The following LARP1B variants were observed in gnomAD, a reference collection of about 807,000 sequenced individuals.
LARP1B encodes the protein La ribonucleoprotein 1B, also known as la-related protein 1B.
A neutral mutation model predicts 114.2 loss-of-function variants in LARP1B; 76 were observed. The observed-to-expected ratio is 0.67, with a 90% CI of 0.55 to 0.81. The LOEUF is 0.81. Ranked by LOEUF, LARP1B falls within the 30% of genes least tolerant of loss-of-function variation. The pLI, the probability that LARP1B is intolerant of heterozygous loss-of-function variation, is 0.00. For synonymous variants in LARP1B, 345 were observed against 348.0 expected, an observed-to-expected ratio of 0.99 and a Z score of 0.10; for missense variants, 1,014 against 1,075.8, an observed-to-expected ratio of 0.94 and a Z score of 0.80.
intron 1 of LARP1B, among the ~76,000 whole-genome samples, chr4:128,073,945 T>A (rs1259894818): frequency 1.3e-5 from 2 of 151,376 alleles, no homozygotes; most frequent in Admixed American, 6.6e-5. Flanking sequence ...CGCTGTGTTT[T>A]TTTTTGTTTT....
intron 1 of LARP1B, among the ~76,000 whole-genome samples, chr4:128,063,427 CAAAAAA>C (rs763868048): frequency 3.8e-4 from 5 of 13,216 alleles, no homozygotes; most frequent in South Asian, 5.3e-3. Flanking sequence ...GACCCACTCT[CAAAAAA>C]AAAAAAAAAA....
chr4:128,171,614 G>A (rs1743782902), intron 12 of LARP1B, among the ~76,000 whole-genome samples: 1 of 152,072 alleles, frequency 6.6e-6, no homozygotes, highest in Non-Finnish European at 1.5e-5. Flanking sequence ...CTCTATTTGT[G>A]ATGTTTCAGG....
At chr4:128,156,134 A>T (rs1735517860) in intron 11 of LARP1B, 4 of 1,610,788 alleles carry the variant, frequency 2.5e-6, no homozygotes, top group Non-Finnish European at 3.4e-6. Flanking sequence ...TCAGCTCATC[A>T]CAAGAGTAGC....
At chr4:128,087,240 G>A (rs1336177013) in intron 5 of LARP1B, among the ~76,000 whole-genome samples, 1 of 152,028 alleles carries the variant, frequency 6.6e-6, no homozygotes, top group East Asian at 1.9e-4. Flanking sequence ...TTTTTCACAG[G>A]GATTGCTCAG....
chr4:128,116,574 T>C (rs1785900175), intron 10 of LARP1B, among the ~76,000 whole-genome samples: 1 of 152,124 alleles, frequency 6.6e-6, no homozygotes, highest in Non-Finnish European at 1.5e-5. Flanking sequence ...TAAGGAGAAC[T>C]GTGTAGTTTT....
At position 128,199,702 on chromosome 4, in the gene LARP1B, T is replaced by C. The variant is rs931231574; in HGVS notation, c.2164+103T>C. 1.2e-5 allele frequency: 6 copies of C among 504,246 alleles called. No homozygotes were observed. The African/African-American group carries it at 1.2e-4, about 10-fold the overall frequency. 31.2% of individuals were successfully genotyped at this position (504,246 alleles called of 1,614,324 possible). On this transcript the variant is annotated intron_variant, in intron 16 of 19. Transcript: ENST00000326639. The stretch of plus-strand genomic sequence containing the variant: ...AATATCAGGTTAAGATATTCTTTTA[T>C]TGTTAGACTATACATAGTTTTACTT...
Position 128,062,014 on chromosome 4 carries a change from A to G in LARP1B, c.-78+613A>G, listed in dbSNP as rs180953781. ...CTTTCGGCGGGGAGCCGCCACCGCCACCGCCGCCGCCGTCGCCGTTGCCGC... is the reference window on the plus strand; with the variant it reads ...CTTTCGGCGGGGAGCCGCCACCGCCGCCGCCGCCGCCGTCGCCGTTGCCGC... On this transcript the variant is annotated intron_variant, in intron 1 of 19. Transcript: ENST00000326639. 4.2e-5 allele frequency: 41 copies of G among 984,348 alleles called. No homozygotes were observed. The East Asian group carries it at 5.7e-4, about 14-fold the overall frequency. The allele number at this position is 984,348 out of a possible 1,614,324, so 61.0% of individuals were successfully genotyped here.
chr4:128,077,958 G>A lies in LARP1B; in HGVS notation c.213G>A (p.Lys71=). Residue 71 remains lysine, a synonymous_variant, in exon 4 of 20, where the codon AAG becomes AAA. Transcript: ENST00000326639. ...EDEAQSSNQR[K]RANKHKWVPL... ...AGGCTCAGTCAAGTAATCAACGTAAGAGAGGTCAGTTTGTCCATATCTTTA... is the reference window on the plus strand; with the variant it reads ...AGGCTCAGTCAAGTAATCAACGTAAAAGAGGTCAGTTTGTCCATATCTTTA... 3 of 1,566,018 alleles carry A rather than the reference G, an allele frequency of 1.9e-6. No homozygotes were observed. The highest frequency in any genetic ancestry group is 2.6e-6 in the Non-Finnish European group (3 of 1,160,080).
intron 11 of LARP1B, among the ~76,000 whole-genome samples, chr4:128,159,177 GAA>G (rs34649655): frequency 4.3e-5 from 5 of 117,258 alleles, no homozygotes; most frequent in African/African-American, 3.2e-5. Flanking sequence ...TGTCTCTAGG[GAA>G]AAAAAAAAAA....
chr4:128,065,841 G>A (rs953549607), intron 1 of LARP1B, among the ~76,000 whole-genome samples: 6 of 151,824 alleles, frequency 4.0e-5, no homozygotes, highest in African/African-American at 7.3e-5. Context: ...ATTTAAATAG[G>A]TAGATAGATT....
rs570825784 is a variant in LARP1B at position 128,090,659 on chromosome 4, T to C, written c.359-342T>C. 3.3e-5 allele frequency among the ~76,000 whole-genome samples: 5 copies of C among 152,338 alleles called. No individual in the cohort carries two copies. The East Asian group carries it at 7.7e-4, about 23-fold the overall frequency. ...ATCCTTAAATATTTCGTGAGAAATG[T>C]TTTTTAGCAGTTTTATGTAGTACAA... On this transcript the variant is annotated intron_variant, in intron 5 of 19. Transcript: ENST00000326639.
intron 11 of LARP1B, among the ~76,000 whole-genome samples, chr4:128,126,958 A>G (rs560271234): frequency 7.9e-5 from 12 of 152,268 alleles, no homozygotes; most frequent in African/African-American, 2.2e-4. Flanking sequence ...TAGGACCTCT[A>G]CAGAACTGAG....
In LARP1B at chr4:128,082,197, G is replaced by A; in HGVS notation, c.250G>A (p.Asp84Asn). 2.5e-6 allele frequency: 4 copies of A among 1,612,508 alleles called. No homozygotes were observed. Among genetic ancestry groups the A allele is most frequent in the South Asian group, 2.2e-5 (2 of 91,006 alleles). ...GCACAAGTGGGTACCACTCCACTTA[G>A]ATGTTGTAAGATCAGAGAGTCAAGA... Reference protein sequence around the residue: ...NKHKWVPLHLDVVRSESQERP... With the variant: ...NKHKWVPLHLNVVRSESQERP... The change falls in exon 5 of 20, where the codon GAT becomes AAT. Residue 84 changes from aspartate to asparagine, a missense_variant. Transcript: ENST00000326639.
intron 7 of LARP1B, among the ~76,000 whole-genome samples, chr4:128,093,367 C>T (rs1235957217): frequency 5.9e-5 from 9 of 152,070 alleles, no homozygotes; most frequent in Admixed American, 2.0e-4. Flanking sequence ...GAGGCCGAGG[C>T]GGGCGGATCA....
intron 11 of LARP1B, among the ~76,000 whole-genome samples, chr4:128,137,802 A>G (rs1356572218): frequency 7.1e-6 from 1 of 140,072 alleles, no homozygotes; most frequent in Non-Finnish European, 1.5e-5. Context: ...TTTTTTTTTT[A>G]GGGGGGTTGG....
chr4:128,178,508 A>T lies in LARP1B; in HGVS notation c.1762A>T (p.Thr588Ser). The T allele has an allele frequency of 6.2e-7, 1 of 1,614,070 alleles. No homozygotes were observed. Among genetic ancestry groups the T allele is most frequent in the South Asian group, 1.1e-5 (1 of 91,080 alleles). ...AGCAGCAATGGTTCATTCGTTGCCTACAGCAGTTCCAGAATCTCCTAGAAT... is the reference window on the plus strand; with the variant it reads ...AGCAGCAATGGTTCATTCGTTGCCTTCAGCAGTTCCAGAATCTCCTAGAAT... ...TSAAMVHSLP[T>S]AVPESPRIHP... The change falls in exon 14 of 20, where the codon ACA becomes TCA. Residue 588 changes from threonine (T) to serine (S), a missense_variant. Thr to Ser is a moderately conservative substitution (Grantham distance 58). Coordinates refer to ENST00000326639, the MANE Select transcript of LARP1B (RefSeq NM_018078.4).
chr4:128,211,668 A>G lies in LARP1B; in HGVS notation c.*1615A>G, dbSNP rs1324030200. The G allele has an allele frequency of 1.8e-5, 18 of 985,262 alleles. No homozygotes were observed. Among genetic ancestry groups the G allele is most frequent in the Middle Eastern group, 5.2e-4 (1 of 1,912 alleles). The allele number at this position is 985,262 out of a possible 1,614,324, so 61.0% of individuals were successfully genotyped here. On this transcript the variant is annotated 3_prime_UTR_variant, in exon 20 of 20. Coordinates refer to ENST00000326639, the MANE Select transcript of LARP1B (RefSeq NM_018078.4). Reference sequence around the variant, plus strand: ...TGTAGTTCCAGCTTTTCAGTGAGAAATTTCCAAACCGTGCTTATTAGCTTT... The same window carrying G: ...TGTAGTTCCAGCTTTTCAGTGAGAAGTTTCCAAACCGTGCTTATTAGCTTT...
intron 10 of LARP1B, among the ~76,000 whole-genome samples, chr4:128,118,480 C>A (rs1483588962): frequency 2.0e-5 from 3 of 151,904 alleles, no homozygotes; most frequent in African/African-American, 7.3e-5. Context: ...TCGTGATCCG[C>A]CCGCCTCAGC....
chr4:128,095,528 T>C (rs975078607), intron 7 of LARP1B, among the ~76,000 whole-genome samples: 16 of 150,660 alleles, frequency 1.1e-4, no homozygotes, highest in African/African-American at 3.9e-4. Context: ...GATTTACTAG[T>C]GTTACTGAGT....
Sources: gnomAD v4.1 joint callset for allele counts (sites outside exome capture counted in the v4.1 genomes callset) on GRCh38, gnomAD v4.1.1 for gene constraint, MANE v1.5 for transcripts, NCBI Gene and HGNC (gene_info 2026-07-23, HGNC 2026-07-21) for gene names.